Variants in LIPI observed in about 807,000 individuals in gnomAD.
LIPI encodes lipase member I.
In LIPI, 59 loss-of-function variants were observed where a neutral mutation model predicts 50.6. The observed-to-expected ratio is 1.16, with a 90% CI of 0.94 to 1.45. LIPI has a LOEUF of 1.45. Among genes scored for constraint, LIPI ranks in the 40% most tolerant of loss-of-function variants. The pLI is 0.00. For missense variants in LIPI, 586 were observed against 536.3 expected, an observed-to-expected ratio of 1.09 and a Z score of -0.92; for synonymous variants, 203 against 178.2, an observed-to-expected ratio of 1.14 and a Z score of -1.11.
chr21:14,133,007 A>C (rs1299143993), intron 9 of LIPI, among the ~76,000 whole-genome samples: 1 of 151,766 alleles, frequency 6.6e-6, no homozygotes, highest in Non-Finnish European at 1.5e-5. Flanking sequence ...TCAACAATAA[A>C]ATCTCACAAC....
At chr21:14,129,487 A>T (rs2017199057) in intron 9 of LIPI, among the ~76,000 whole-genome samples, 1 of 152,084 alleles carries the variant, frequency 6.6e-6, no homozygotes, top group Non-Finnish European at 1.5e-5. Flanking sequence ...TTCAAACTAA[A>T]AAATTCTTAA....
At chr21:14,168,859 A>G (rs1171500777) in intron 4 of LIPI, among the ~76,000 whole-genome samples, 1 of 152,174 alleles carries the variant, frequency 6.6e-6, no homozygotes, top group Non-Finnish European at 1.5e-5. Flanking sequence ...TTCACACATA[A>G]CAATATTAAC....
chr21:14,158,735 G>A (rs1485356116), intron 7 of LIPI, among the ~76,000 whole-genome samples: 1 of 149,434 alleles, frequency 6.7e-6, no homozygotes, highest in African/African-American at 2.4e-5. Flanking sequence ...CAATAAAATC[G>A]ATAAACCATT....
chr21:14,183,662 G>A (rs923855569), intron 3 of LIPI, among the ~76,000 whole-genome samples: 26 of 152,084 alleles, frequency 1.7e-4, no homozygotes, highest in South Asian at 6.2e-4. Context: ...AAAAGTGGGT[G>A]AAGGATATGA....
chr21:14,199,129 A>G (rs2019963314), intron 1 of LIPI, among the ~76,000 whole-genome samples: 1 of 151,998 alleles, frequency 6.6e-6, no homozygotes, highest in South Asian at 2.1e-4. Flanking sequence ...GCACTAAATG[A>G]CCACATCAAA....
rs1226591125 is a variant in LIPI at position 14,161,846 on chromosome 21, CATT to C, written c.1006+1570_1006+1572del. Among the ~76,000 whole-genome samples the C allele has an allele frequency of 1.8e-5, 2 of 113,502 alleles. 1 individual carries two copies. The highest frequency in any genetic ancestry group is 3.4e-5 in the Non-Finnish European group (2 of 59,290). 74.5% of individuals were successfully genotyped at this position (113,502 alleles called of 152,430 possible). On this transcript the variant is annotated intron_variant, in intron 7 of 9. Coordinates refer to ENST00000681601, the MANE Select transcript of LIPI (RefSeq NM_001302998.2). Reference sequence around the variant, plus strand: ...AATATATATTAATATATAATATATACATTATTATATATAATTACATATAATATA... The same window carrying C: ...AATATATATTAATATATAATATATACATTATATATAATTACATATAATATA...
chr21:14,142,187 T>G (rs1246852971), intron 9 of LIPI, among the ~76,000 whole-genome samples: 1 of 152,106 alleles, frequency 6.6e-6, no homozygotes, highest in East Asian at 1.9e-4. Flanking sequence ...AGGGGAGGGA[T>G]AGCATTAGGA....
chr21:14,192,630 G>GAAAT (rs762942836), intron 1 of LIPI, among the ~76,000 whole-genome samples: 1 of 152,114 alleles, frequency 6.6e-6, no homozygotes, highest in African/African-American at 2.4e-5. Flanking sequence ...AAAACTTACA[G>GAAAT]AAATCCCTGA....
chr21:14,206,371 T>C (rs2020225017), intron 1 of LIPI, among the ~76,000 whole-genome samples: 1 of 152,166 alleles, frequency 6.6e-6, no homozygotes, highest in Non-Finnish European at 1.5e-5. Flanking sequence ...TGATTTCAAA[T>C]GCTTTTTCAT....
At chr21:14,173,403 T>C (rs2018987968) in intron 4 of LIPI, among the ~76,000 whole-genome samples, 1 of 152,214 alleles carries the variant, frequency 6.6e-6, no homozygotes, top group Non-Finnish European at 1.5e-5. Flanking sequence ...CAAGGGTTTA[T>C]GTAGCCCTGT....
At chr21:14,170,643 G>A (rs546054622) in intron 4 of LIPI, among the ~76,000 whole-genome samples, 1 of 152,268 alleles carries the variant, frequency 6.6e-6, no homozygotes, top group African/African-American at 2.4e-5. Flanking sequence ...ATGCAGAAAA[G>A]TTTTTTGACA....
intron 2 of LIPI, among the ~76,000 whole-genome samples, chr21:14,187,655 G>A (rs1339142205): frequency 6.6e-6 from 1 of 152,030 alleles, no homozygotes; most frequent in Non-Finnish European, 1.5e-5. Context: ...GTAATTAATA[G>A]TCTGTTGGTG....
intron 6 of LIPI, among the ~76,000 whole-genome samples, chr21:14,163,803 T>C (rs987514294): frequency 2.6e-5 from 4 of 151,908 alleles, no homozygotes; most frequent in African/African-American, 9.7e-5. Flanking sequence ...TTTGTAGAAG[T>C]TTTACTGTTA....
intron 4 of LIPI, among the ~76,000 whole-genome samples, chr21:14,167,226 G>A (rs868331567): frequency 3.9e-5 from 6 of 152,202 alleles, no homozygotes; most frequent in South Asian, 2.1e-4. Flanking sequence ...GAACTGGGTG[G>A]AGCCCACCAC....
chr21:14,130,177 A>C (rs2017233570), intron 9 of LIPI, among the ~76,000 whole-genome samples: 1 of 152,190 alleles, frequency 6.6e-6, no homozygotes. Flanking sequence ...AATGTTTAAG[A>C]GAAAAAGTGA....
intron 4 of LIPI, among the ~76,000 whole-genome samples, chr21:14,166,933 A>G (rs2018707749): frequency 6.6e-6 from 1 of 152,242 alleles, no homozygotes; most frequent in South Asian, 2.1e-4. Context: ...GGGAAGCACA[A>G]GGGATCAGGG....
At chr21:14,168,333 G>T (rs2018767657) in intron 4 of LIPI, among the ~76,000 whole-genome samples, 1 of 152,164 alleles carries the variant, frequency 6.6e-6, no homozygotes, top group South Asian at 2.1e-4. Flanking sequence ...AGCGAGGAAG[G>T]CCAACATTCA....
chr21:14,113,083 G>T (rs554017761), intron 9 of LIPI, among the ~76,000 whole-genome samples: 10 of 152,274 alleles, frequency 6.6e-5, no homozygotes, highest in Admixed American at 5.9e-4. Flanking sequence ...GGACCTGAAA[G>T]GTTTAACCCC....
chr21:14,126,705 C>T (rs2017081564), intron 9 of LIPI, among the ~76,000 whole-genome samples: 1 of 152,116 alleles, frequency 6.6e-6, no homozygotes, highest in Non-Finnish European at 1.5e-5. Flanking sequence ...GTAAATAGTA[C>T]ATACTTTTAT....
Sources: allele counts gnomAD v4.1 joint callset (sites outside exome capture counted in the v4.1 genomes callset), GRCh38; gene constraint gnomAD v4.1.1; transcripts MANE v1.5; gene names NCBI Gene and HGNC (gene_info 2026-07-23, HGNC 2026-07-21).